The following VPS13B variants were observed in gnomAD, a reference collection of about 807,000 sequenced individuals.
VPS13B encodes the protein vacuolar protein sorting 13 homolog B.
In VPS13B, 285 loss-of-function variants were observed where a neutral mutation model predicts 426.4. The observed-to-expected ratio is 0.67, with a 90% confidence interval of 0.61 to 0.74. The LOEUF (loss-of-function observed/expected upper bound fraction) is 0.74. Ranked by LOEUF, VPS13B falls within the 30% of genes least tolerant of loss-of-function variation. The pLI, the probability that VPS13B is intolerant of heterozygous loss-of-function variation, is 0.00. For synonymous variants in VPS13B, 1,676 were observed against 1,676.4 expected, an observed-to-expected ratio of 1.00 and a Z score of 0.01; for missense variants, 4,537 against 4,782.6, an observed-to-expected ratio of 0.95 and a Z score of 1.51.
At chr8:99,176,743 G>A (rs1376627659) in intron 16 of VPS13B, among the ~76,000 whole-genome samples, 2 of 152,204 alleles carry the variant, frequency 1.3e-5, no homozygotes, top group Non-Finnish European at 2.9e-5. Flanking sequence ...CAGCTTTTAT[G>A]TGGGTGCAGG....
intron 19 of VPS13B, among the ~76,000 whole-genome samples, chr8:99,373,619 G>T (rs1813314156): frequency 6.6e-6 from 1 of 152,182 alleles, no homozygotes; most frequent in African/African-American, 2.4e-5. Flanking sequence ...GGAGGCTGAG[G>T]TTCACTTTGG....
chr8:99,604,586 G>A (rs200901005), intron 33 of VPS13B, among the ~76,000 whole-genome samples: 4 of 140,012 alleles, frequency 2.9e-5, no homozygotes, highest in Non-Finnish European at 4.5e-5. Context: ...TGCAAGCTCC[G>A]CCTCCCGGGT....
At chr8:99,844,841 T>G (rs1815896540) in intron 54 of VPS13B, among the ~76,000 whole-genome samples, 1 of 152,184 alleles carries the variant, frequency 6.6e-6, no homozygotes, top group South Asian at 2.1e-4. Flanking sequence ...TTCTGGAATC[T>G]CTCTATTATC....
At chr8:99,289,067 G>A (rs1819590214) in intron 19 of VPS13B, among the ~76,000 whole-genome samples, 1 of 151,558 alleles carries the variant, frequency 6.6e-6, no homozygotes, top group East Asian at 1.9e-4. Flanking sequence ...ATGAATGAAA[G>A]AAGGAAGGAA....
chr8:99,123,345 A>G (rs765330236), intron 8 of VPS13B, among the ~76,000 whole-genome samples: 3 of 152,184 alleles, frequency 2.0e-5, no homozygotes, highest in Non-Finnish European at 2.9e-5. Flanking sequence ...CCAGAGTTCA[A>G]GAAACAGCAA....
At chr8:99,065,802 G>T (rs1458631003) in intron 3 of VPS13B, among the ~76,000 whole-genome samples, 9 of 152,206 alleles carry the variant, frequency 5.9e-5, no homozygotes. Context: ...AGCAACTTCA[G>T]CAAAGTCTCA....
In VPS13B at chr8:99,739,812, C is replaced by T. The variant is rs574577429; in HGVS notation, c.7050+18765C>T. 2.6e-5 allele frequency among the ~76,000 whole-genome samples: 4 copies of T among 152,278 alleles called. No homozygotes were observed. In the South Asian group the frequency reaches 8.3e-4, roughly 32 times the overall value. ...AACAGAAAGGACATCCACACCAAAA[C>T]CCCATCTGTACGTCACCAAAATCAA... On this transcript the variant is annotated intron_variant, in intron 39 of 61. Transcript: ENST00000357162.
intron 2 of VPS13B, among the ~76,000 whole-genome samples, chr8:99,016,586 C>CTTTTTTTTTTTTTT (rs754060289): frequency 1.6e-5 from 1 of 60,730 alleles, no homozygotes; most frequent in Non-Finnish European, 3.0e-5. Flanking sequence ...TATAGGAATT[C>CTTTTTTTTTTTTTT]TTTTTTTTTT....
intron 29 of VPS13B, among the ~76,000 whole-genome samples, chr8:99,519,882 A>T (rs749489199): frequency 1.3e-5 from 2 of 152,166 alleles, no homozygotes; most frequent in Non-Finnish European, 2.9e-5. Flanking sequence ...GCACATCAAC[A>T]TGGCACATGT....
chr8:99,147,683 A>G (rs1309980739), intron 13 of VPS13B, among the ~76,000 whole-genome samples, 158 bp from the exon 14 acceptor site: 3 of 152,194 alleles, frequency 2.0e-5, no homozygotes, highest in Non-Finnish European at 4.4e-5. Context: ...AGTGCAACTT[A>G]TATTTGTTAA....
At chr8:99,083,840 G>T (rs1845619697) in intron 3 of VPS13B, among the ~76,000 whole-genome samples, 1 of 136,278 alleles carries the variant, frequency 7.3e-6, no homozygotes, top group South Asian at 2.6e-4. Context: ...TTTTTGATGT[G>T]CTGCTGGATT....
intron 24 of VPS13B, among the ~76,000 whole-genome samples, chr8:99,473,895 TTACTAACATCCAAGAAACA>T (rs1433964186): frequency 6.6e-6 from 1 of 152,142 alleles, no homozygotes; most frequent in Non-Finnish European, 1.5e-5. Context: ...ACTTCACTCT[TTACTAACATCCAAGAAACA>T]TAAATGAATA....
chr8:99,822,756 G>A (rs1285179217), intron 50 of VPS13B, among the ~76,000 whole-genome samples: 1 of 152,060 alleles, frequency 6.6e-6, no homozygotes, highest in African/African-American at 2.4e-5. Context: ...TTTTGTTTCT[G>A]TGGGTTATAT....
chr8:99,553,076 G>A (rs11992778), intron 30 of VPS13B, among the ~76,000 whole-genome samples: 9,045 of 152,102 alleles, frequency 0.059, 362 homozygotes, highest in African/African-American at 0.11. Context: ...CATCATTTGC[G>A]TGAGCCCTGA....
chr8:99,278,066 A>G (rs1272469455), intron 19 of VPS13B, among the ~76,000 whole-genome samples: 2 of 152,186 alleles, frequency 1.3e-5, no homozygotes, highest in African/African-American at 4.8e-5. Flanking sequence ...GTGTTTTCAG[A>G]AACAGATAGA....
chr8:99,217,888 G>A (rs1397052950), intron 17 of VPS13B, among the ~76,000 whole-genome samples: 3 of 152,172 alleles, frequency 2.0e-5, no homozygotes, highest in African/African-American at 7.2e-5. Flanking sequence ...TTGCAATAGA[G>A]ATTTCATGGC....
At chr8:99,649,013 G>A (rs890232291) in intron 34 of VPS13B, among the ~76,000 whole-genome samples, 5 of 151,218 alleles carry the variant, frequency 3.3e-5, no homozygotes, top group African/African-American at 1.2e-4. Flanking sequence ...GGGTTGACAT[G>A]TCTTCTAGCA....
chr8:99,205,416 A>G (rs573562065), intron 17 of VPS13B, among the ~76,000 whole-genome samples: 1 of 152,290 alleles, frequency 6.6e-6, no homozygotes, highest in African/African-American at 2.4e-5. Context: ...TGACGGGTTG[A>G]TGGGTGGCTC....
chr8:99,301,753 G>A (rs1820379513), intron 19 of VPS13B, among the ~76,000 whole-genome samples: 2 of 152,234 alleles, frequency 1.3e-5, no homozygotes, highest in South Asian at 4.2e-4. Context: ...ACAAATTAAT[G>A]GATATACGTT....
Sources: gnomAD v4.1 joint callset for allele counts (sites outside exome capture counted in the v4.1 genomes callset) on GRCh38, gnomAD v4.1.1 for gene constraint, MANE v1.5 for transcripts, NCBI Gene and HGNC (gene_info 2026-07-23, HGNC 2026-07-21) for gene names.